PID1: variants seen among roughly 807,000 people sequenced by gnomAD.
PID1 encodes PTB-containing, cubilin and LRP1-interacting protein.
PID1 carries 10 observed loss-of-function variants against 19.1 expected under a neutral mutation model. The observed-to-expected ratio is 0.52, with a 90% CI of 0.32 to 0.89. The LOEUF (loss-of-function observed/expected upper bound fraction) is 0.89. Among genes scored for constraint, PID1 ranks in the 40% least tolerant of loss-of-function variants. The pLI is 0.03. For synonymous variants in PID1, 130 were observed against 116.0 expected, an observed-to-expected ratio of 1.12 and a Z score of -0.78; for missense variants, 248 against 285.3, an observed-to-expected ratio of 0.87 and a Z score of 0.94.
chr2:229,227,956 C>T (rs1692116617), intron 1 of PID1: 3 of 455,690 alleles, frequency 6.6e-6, no homozygotes, highest in South Asian at 4.7e-5. Context: ...CCATTTCATA[C>T]CACGGTCTTG....
intron 2 of PID1, among the ~76,000 whole-genome samples, chr2:229,054,718 G>C (rs1373664127): frequency 9.9e-5 from 4 of 40,602 alleles, no homozygotes; most frequent in Non-Finnish European, 2.5e-4. Flanking sequence ...GTGTGTGTGT[G>C]TGGGGGGGGG....
intron 1 of PID1, among the ~76,000 whole-genome samples, chr2:229,195,068 G>A (rs1277509631): frequency 6.6e-6 from 1 of 151,804 alleles, no homozygotes; most frequent in Non-Finnish European, 1.5e-5. Flanking sequence ...TGTCCATGAG[G>A]TTGAATCATT....
intron 2 of PID1, among the ~76,000 whole-genome samples, chr2:229,066,987 C>T (rs187925038): frequency 2.0e-5 from 3 of 152,176 alleles, no homozygotes; most frequent in African/African-American, 4.8e-5. Context: ...AAAAAACACC[C>T]GAGACTGGGT....
At chr2:229,132,700 T>A (rs370848692) in intron 2 of PID1, among the ~76,000 whole-genome samples, 1 of 152,232 alleles carries the variant, frequency 6.6e-6, no homozygotes, top group East Asian at 1.9e-4. Flanking sequence ...AACTCTTTAA[T>A]TCCAATGAAG....
At chr2:229,132,442 G>A (rs560220175) in intron 2 of PID1, among the ~76,000 whole-genome samples, 3 of 152,250 alleles carry the variant, frequency 2.0e-5, no homozygotes, top group Non-Finnish European at 2.9e-5. Flanking sequence ...TATCACTGCC[G>A]GCTTTTCTGG....
Position 229,163,674 on chromosome 2 carries a change from T to TGCGC in PID1, c.31-7711_31-7710insGCGC, listed in dbSNP as rs1553570238. The stretch of plus-strand genomic sequence containing the variant: ...GAGTGTGTGTGTGTGTGTGTGTGTG[T>TGCGC]GCGTGTGCGTGTGTGTGTGTGTATA... On this transcript the variant is annotated intron_variant, in intron 1 of 2. Transcript: ENST00000392055. Among the ~76,000 whole-genome samples, 146 of 94,470 alleles carry TGCGC rather than the reference T, an allele frequency of 1.5e-3. 1 individual carries two copies. The East Asian group carries it at 0.017, about 11-fold the overall frequency. The allele number at this position is 94,470 out of a possible 152,430, so 62.0% of individuals were successfully genotyped here. A position where few individuals can be genotyped will look rare whatever the true frequency, so the allele number is the denominator to read the frequency against.
chr2:229,023,997 T>C lies in PID1; in HGVS notation c.*1635A>G, dbSNP rs1414732034. The C allele has an allele frequency of 1.3e-5, 2 of 152,674 alleles. No individual in the cohort carries two copies. The highest frequency in any genetic ancestry group is 3.8e-4 in the East Asian group (2 of 5,200). 9.5% of individuals were successfully genotyped at this position (152,674 alleles called of 1,614,324 possible). ...GTATGAAACTCCTCAGCTTTATTAA[T>C]GCAAACATATTTTTATTAAAGAATG... is the stretch of plus-strand genomic sequence containing the variant. On this transcript the variant is annotated 3_prime_UTR_variant, in exon 3 of 3. Transcript: ENST00000392055.
chr2:229,086,910 T>TACACACACGC (rs1553561153), intron 2 of PID1, among the ~76,000 whole-genome samples: 1 of 150,042 alleles, frequency 6.7e-6, no homozygotes, highest in African/African-American at 2.4e-5. Flanking sequence ...CACACGTGTG[T>TACACACACGC]ACACACACAC....
At chr2:229,040,608 A>G (rs1467645715) in intron 2 of PID1, among the ~76,000 whole-genome samples, 3 of 152,188 alleles carry the variant, frequency 2.0e-5, no homozygotes, top group Non-Finnish European at 4.4e-5. Flanking sequence ...AGAAACAGGG[A>G]GAAAATATTC....
chr2:229,139,944 G>C (rs565503466), intron 2 of PID1, among the ~76,000 whole-genome samples: 241 of 152,178 alleles, frequency 1.6e-3, no homozygotes, highest in African/African-American at 5.4e-3. Flanking sequence ...AGAGGATTTT[G>C]ATCTTGATCA....
chr2:229,067,682 C>A (rs1694358048), intron 2 of PID1, among the ~76,000 whole-genome samples: 1 of 152,136 alleles, frequency 6.6e-6, no homozygotes, highest in African/African-American at 2.4e-5. Flanking sequence ...AACATGCCTC[C>A]CCCGATAGGA....
At chr2:229,097,509 A>C (rs772179404) in intron 2 of PID1, among the ~76,000 whole-genome samples, 1 of 152,206 alleles carries the variant, frequency 6.6e-6, no homozygotes, top group Admixed American at 6.5e-5. Context: ...CACTGAAAGC[A>C]TAAGAATCAG....
At chr2:229,096,560 C>T (rs1051540295) in intron 2 of PID1, among the ~76,000 whole-genome samples, 6 of 152,096 alleles carry the variant, frequency 3.9e-5, no homozygotes, top group Non-Finnish European at 7.4e-5. Flanking sequence ...GACTCATGGA[C>T]ACATTATAGG....
At chr2:229,040,209 A>C (rs1252439436) in intron 2 of PID1, among the ~76,000 whole-genome samples, 1 of 151,990 alleles carries the variant, frequency 6.6e-6, no homozygotes, top group Non-Finnish European at 1.5e-5. Flanking sequence ...ACCTGAGGTC[A>C]GGAGTTTGAG....
At chr2:229,087,308 C>A (rs900744261) in intron 2 of PID1, among the ~76,000 whole-genome samples, 1 of 152,152 alleles carries the variant, frequency 6.6e-6, no homozygotes. Context: ...CTGCTAAGGA[C>A]ATGATGTTCA....
At chr2:229,080,919 A>C (rs1694656724) in intron 2 of PID1, among the ~76,000 whole-genome samples, 1 of 152,222 alleles carries the variant, frequency 6.6e-6, no homozygotes, top group African/African-American at 2.4e-5. Context: ...CTTAAACAAA[A>C]TACTTCAGTG....
chr2:229,159,668 A>G (rs996439021), intron 1 of PID1, among the ~76,000 whole-genome samples: 11 of 152,180 alleles, frequency 7.2e-5, no homozygotes, highest in Non-Finnish European at 1.6e-4. Flanking sequence ...GCTGAACCCC[A>G]ATTGTTACAG....
intron 1 of PID1, among the ~76,000 whole-genome samples, chr2:229,265,981 T>C (rs1291717363): frequency 6.6e-6 from 1 of 152,178 alleles, no homozygotes; most frequent in Non-Finnish European, 1.5e-5. Flanking sequence ...AGGCTAGGAT[T>C]TTGCAAATCG....
At chr2:229,268,613 GA>G (rs1690654692) in intron 1 of PID1, among the ~76,000 whole-genome samples, 1 of 152,196 alleles carries the variant, frequency 6.6e-6, no homozygotes, top group African/African-American at 2.4e-5. Flanking sequence ...AGATAAATGA[GA>G]AAAAAATTAA....
Sources: gnomAD v4.1 joint callset for allele counts (sites outside exome capture counted in the v4.1 genomes callset) on GRCh38, gnomAD v4.1.1 for gene constraint, MANE v1.5 for transcripts, NCBI Gene and HGNC (gene_info 2026-07-23, HGNC 2026-07-21) for gene names.